The following RIPK4 variants were observed in gnomAD, a reference collection of about 807,000 sequenced individuals.
RIPK4 encodes the protein receptor-interacting serine/threonine-protein kinase 4.
A neutral mutation model predicts 42.9 loss-of-function variants in RIPK4; 17 were observed. That is an observed-to-expected ratio of 0.40 (90% CI 0.27 to 0.59). RIPK4 has a LOEUF of 0.59. RIPK4 is among the 20% of genes least tolerant of loss of function. RIPK4 has a pLI of 0.47. For synonymous variants in RIPK4, 498 were observed against 499.1 expected (o/e 1.00, Z 0.03); for missense variants, 897 against 1,104.4 (o/e 0.81, Z 2.66).
At chr21:41,746,012 T>C (rs1569101348) in intron 5 of RIPK4, 150 bp from the exon 6 acceptor site, 3 of 758,532 alleles carry the variant, frequency 4.0e-6, no homozygotes, top group East Asian at 5.1e-5. Context: ...GGGCCCTACA[T>C]GGACAATTTG....
In RIPK4 at chr21:41,749,234, G is replaced by T; in HGVS notation, c.624-31C>A. On this transcript the variant is annotated intron_variant, in intron 3 of 7. Coordinates refer to ENST00000332512, the MANE Select transcript of RIPK4 (RefSeq NM_020639.3). ...AGAGAAACCAGGCACGTTAGCATCT[G>T]ACAGCCAGAGACTCAAAGCCAAATG... 1.9e-6 allele frequency: 3 copies of T among 1,612,356 alleles called. No individual in the cohort carries two copies. The South Asian group carries it at 3.3e-5, about 18-fold the overall frequency.
At chr21:41,754,817 GTTTC>G (rs2061198440) in intron 2 of RIPK4, among the ~76,000 whole-genome samples, 2 of 152,166 alleles carry the variant, frequency 1.3e-5, no homozygotes, top group African/African-American at 4.8e-5. Flanking sequence ...TGGTCATTTG[GTTTC>G]TTTCATGTCA....
In RIPK4 at chr21:41,740,859, G is replaced by A. The variant is rs1477982724; in HGVS notation, c.2334C>T (p.Leu778=). The A allele has an allele frequency of 6.2e-7, 1 of 1,609,268 alleles. No individual in the cohort carries two copies. The highest frequency in any genetic ancestry group is 1.1e-5 in the South Asian group (1 of 90,794). The change falls in exon 8 of 8, where the codon CTC becomes CTT. Residue 778 remains leucine, a synonymous_variant. Coordinates refer to ENST00000332512, the MANE Select transcript of RIPK4 (RefSeq NM_020639.3). ...CCAGCTAGGTCTTGCTTCGCCGCAGGAGCGTGGCGGCGGGGCCATGGCCGC... is the reference window on the plus strand; with the variant it reads ...CCAGCTAGGTCTTGCTTCGCCGCAGAAGCGTGGCGGCGGGGCCATGGCCGC... ...FQGGHGPAAT[L]LRRSKT is the part of the protein sequence containing the mutation.
intron 1 of RIPK4, among the ~76,000 whole-genome samples, chr21:41,761,964 C>G (rs2061221722): frequency 1.3e-5 from 2 of 152,220 alleles, no homozygotes; most frequent in African/African-American, 4.8e-5. Flanking sequence ...CGGGCTCTTT[C>G]TGCAGAACGG....
chr21:41,746,891 G>A (rs757024529), intron 4 of RIPK4, 120 bp from the exon 5 acceptor site: 146 of 1,142,684 alleles, frequency 1.3e-4, no homozygotes, highest in Non-Finnish European at 1.7e-4. Context: ...ACCACCCCAG[G>A]GAGACGGCTC....
rs1173593865 is a variant in RIPK4 at position 41,739,553 on chromosome 21, G to A, written c.*1285C>T. On this transcript the variant is annotated 3_prime_UTR_variant, in exon 8 of 8. Coordinates refer to ENST00000332512, the MANE Select transcript of RIPK4 (RefSeq NM_020639.3). ...CCACAGATTCACATTAACATACATG[G>A]TACATTAATATCAATCTCTATCATA... 6.6e-6 allele frequency: 1 copy of A among 152,146 alleles called. No homozygotes were observed. The highest frequency in any genetic ancestry group is 1.5e-5 in the Non-Finnish European group (1 of 68,048). The allele number at this position is 152,146 out of a possible 1,614,324, so 9.4% of individuals were successfully genotyped here. A position where few individuals can be genotyped will look rare whatever the true frequency, so the allele number is the denominator to read the frequency against.
chr21:41,753,475 G>A (rs2061194447), intron 2 of RIPK4, among the ~76,000 whole-genome samples: 1 of 152,144 alleles, frequency 6.6e-6, no homozygotes, highest in South Asian at 2.1e-4. Context: ...AATTCTAGGA[G>A]GGTCACTGAC....
In RIPK4 at chr21:41,745,865, T is replaced by G. The variant is rs1601676519; in HGVS notation, c.833-3A>C. The G allele has an allele frequency of 1.2e-6, 2 of 1,611,430 alleles. No homozygotes were observed. The highest frequency in any genetic ancestry group is 2.2e-5 in the East Asian group (1 of 44,864). ...GTCCTCGGTTTCAGAAGTAATTTCT[T>G]GTGGGGAAGAAAGGGGACATGTCAC... On this transcript the variant is annotated splice_region_variant and splice_polypyrimidine_tract_variant and intron_variant, in intron 5 of 7. Coordinates refer to ENST00000332512, the MANE Select transcript of RIPK4 (RefSeq NM_020639.3).
rs1310011150 is a variant in RIPK4 at position 41,744,087 on chromosome 21, G to A, written c.990C>T (p.Tyr330=). 4.3e-6 allele frequency: 7 copies of A among 1,609,940 alleles called. No homozygotes were observed. Among genetic ancestry groups the A allele is most frequent in the Non-Finnish European group, 5.1e-6 (6 of 1,177,868 alleles). Residue 330 remains tyrosine, a synonymous_variant, in exon 7 of 8, where the codon TAC becomes TAT. Coordinates refer to ENST00000332512, the MANE Select transcript of RIPK4 (RefSeq NM_020639.3). ...RASAPTFDND[Y]SLSELLSQLD... The stretch of plus-strand genomic sequence containing the variant: ...GCTGTGAGAGCAGCTCGGAGAGGCT[G>A]TAGTCGTTATCGAAGGTGGGGGCAG...
At chr21:41,762,813 C>T (rs935926824) in intron 1 of RIPK4, among the ~76,000 whole-genome samples, 5 of 151,940 alleles carry the variant, frequency 3.3e-5, no homozygotes, top group Admixed American at 6.6e-5. Context: ...GGAGAGATGC[C>T]GAATCCAGCC....
intron 1 of RIPK4, among the ~76,000 whole-genome samples, chr21:41,758,784 T>G (rs2061212538): frequency 6.6e-6 from 1 of 152,246 alleles, no homozygotes; most frequent in Non-Finnish European, 1.5e-5. Context: ...AAGCCTAAAA[T>G]GTTGCCTCTC....
At chr21:41,763,997 C>T (rs1334585753) in intron 1 of RIPK4, among the ~76,000 whole-genome samples, 1 of 152,172 alleles carries the variant, frequency 6.6e-6, no homozygotes, top group Non-Finnish European at 1.5e-5. Context: ...GCCAGGGAGG[C>T]CAGCTGCCTC....
intron 1 of RIPK4, 128 bp from the exon 2 acceptor site, chr21:41,756,944 C>T: frequency 1.1e-6 from 1 of 922,928 alleles, no homozygotes; most frequent in East Asian, 2.6e-5. Context: ...ACACATGGGG[C>T]ACACTTCAAT....
At position 41,756,585 on chromosome 21, in the gene RIPK4, T is replaced by C. The variant is rs769421962; in HGVS notation, c.414A>G (p.Pro138=). The C allele has an allele frequency of 6.2e-7, 1 of 1,612,250 alleles. No homozygotes were observed. The highest frequency in any genetic ancestry group is 8.5e-7 in the Non-Finnish European group (1 of 1,179,184). The change falls in exon 2 of 8, where the codon CCA becomes CCG. Residue 138 remains proline, a synonymous_variant. Coordinates refer to ENST00000332512, the MANE Select transcript of RIPK4 (RefSeq NM_020639.3). ...GMNFLHCMAP[P]LLHLDLKPAN... ...CGGGCTTGAGGTCCAGGTGCAGGAG[T>C]GGCGGGGCCATGCAGTGCAGGAAGT...
At position 41,746,737 on chromosome 21, in the gene RIPK4, C is replaced by T. The variant is rs778678584; in HGVS notation, c.708G>A (p.Val236=). The T allele has an allele frequency of 6.2e-7, 1 of 1,606,760 alleles. No individual in the cohort carries two copies. Residue 236 remains valine (V), a synonymous_variant, in exon 5 of 8, where the codon GTG becomes GTA. Transcript: ENST00000332512. ...GCAGCTCGGGGCGGTGGCCCTTCACCACCTTCACCATGATGTGCAGGATGT... is the reference window on the plus strand; with the variant it reads ...GCAGCTCGGGGCGGTGGCCCTTCACTACCTTCACCATGATGTGCAGGATGT... ...EKNILHIMVK[V]VKGHRPELPP...
intron 7 of RIPK4, 25 bp downstream of exon 7, chr21:41,743,857 G>A (rs763823337): frequency 1.3e-5 from 21 of 1,558,284 alleles, no homozygotes; most frequent in East Asian, 1.1e-4. Context: ...AGCATCTCTC[G>A]GGACACAGAG....
At position 41,746,655 on chromosome 21, in the gene RIPK4, G is replaced by A. The variant is rs139607246; in HGVS notation, c.790C>T (p.Arg264Trp). Residue 264 changes from arginine to tryptophan, a missense_variant, in exon 5 of 8, where the codon CGG becomes TGG. Coordinates refer to ENST00000332512, the MANE Select transcript of RIPK4 (RefSeq NM_020639.3). ...ACSHLIRLMQRCWQGDPRVRP... is the reference protein window; with the variant it reads ...ACSHLIRLMQWCWQGDPRVRP... ...ACTCGCGGATCCCCCTGCCAGCACC[G>A]CTGCATGAGGCGTATCAGGTGGCTG... is the stretch of plus-strand genomic sequence containing the variant. 1.1e-5 allele frequency: 17 copies of A among 1,610,836 alleles called. No individual in the cohort carries two copies. Among genetic ancestry groups the A allele is most frequent in the African/African-American group, 6.7e-5 (5 of 74,948 alleles).
chr21:41,750,294 C>T (rs2061184850), intron 3 of RIPK4, among the ~76,000 whole-genome samples: 1 of 152,220 alleles, frequency 6.6e-6, no homozygotes, highest in Non-Finnish European at 1.5e-5. Context: ...CACGCTCCCA[C>T]CCACTTTTCT....
chr21:41,764,938 G>A (rs1265747576), intron 1 of RIPK4, among the ~76,000 whole-genome samples: 1 of 152,200 alleles, frequency 6.6e-6, no homozygotes, highest in African/African-American at 2.4e-5. Flanking sequence ...GCCACCACCT[G>A]TCTGCTTTGG....
Sources: allele counts gnomAD v4.1 joint callset (sites outside exome capture counted in the v4.1 genomes callset), GRCh38; gene constraint gnomAD v4.1.1; transcripts MANE v1.5; gene names NCBI Gene and HGNC (gene_info 2026-07-23, HGNC 2026-07-21).